SEC24B: variants seen among roughly 807,000 people sequenced by gnomAD.
SEC24B encodes the protein SEC24 homolog B, COPII component, also known as protein transport protein Sec24B.
SEC24B carries 45 observed loss-of-function variants against 142.8 expected under a neutral mutation model. The observed-to-expected ratio is 0.32, with a 90% CI of 0.25 to 0.40. The LOEUF (loss-of-function observed/expected upper bound fraction) is 0.40. SEC24B is among the 10% of genes least tolerant of loss of function. The probability of loss-of-function intolerance (pLI) is 1.00; values close to 1 mark genes in which losing one functional copy is unlikely to be tolerated. For missense variants in SEC24B, 1,409 were observed against 1,526.8 expected, an observed-to-expected ratio of 0.92 and a Z score of 1.29; for synonymous variants, 574 against 568.2, an observed-to-expected ratio of 1.01 and a Z score of -0.15.
intron 3 of SEC24B, among the ~76,000 whole-genome samples, chr4:109,475,065 ATCTT>A (rs1578839378): frequency 1.3e-5 from 2 of 152,234 alleles, no homozygotes; most frequent in African/African-American, 4.8e-5. Flanking sequence ...AGATCTCTCT[ATCTT>A]GTATTCTTTC....
At chr4:109,450,395 C>A (rs575084744) in intron 1 of SEC24B, among the ~76,000 whole-genome samples, 1 of 152,068 alleles carries the variant, frequency 6.6e-6, no homozygotes, top group Non-Finnish European at 1.5e-5. Context: ...CGCGGTGGCT[C>A]ACACCTATAA....
intron 6 of SEC24B, among the ~76,000 whole-genome samples, chr4:109,502,034 G>C (rs1017524844): frequency 6.6e-6 from 1 of 152,214 alleles, no homozygotes; most frequent in Non-Finnish European, 1.5e-5. Flanking sequence ...ATGTGGAGTA[G>C]GTGGTCAGAT....
At chr4:109,498,314 T>A (rs921192435) in intron 6 of SEC24B, among the ~76,000 whole-genome samples, 1 of 152,246 alleles carries the variant, frequency 6.6e-6, no homozygotes, top group African/African-American at 2.4e-5. Flanking sequence ...AAAAAAAGAT[T>A]ATAAATTTTC....
intron 14 of SEC24B, 86 bp downstream of exon 14, chr4:109,521,712 A>T (rs1723633465): frequency 1.9e-6 from 2 of 1,051,942 alleles, no homozygotes; most frequent in South Asian, 3.2e-5. Context: ...TACTGGCAAG[A>T]GAGTTGGGTT....
intron 1 of SEC24B, among the ~76,000 whole-genome samples, chr4:109,440,505 A>G (rs1728837205): frequency 6.6e-6 from 1 of 152,236 alleles, no homozygotes; most frequent in Non-Finnish European, 1.5e-5. Flanking sequence ...CATACTCAGA[A>G]TTGTCCAGAA....
At chr4:109,441,692 G>A (rs554483851) in intron 1 of SEC24B, among the ~76,000 whole-genome samples, 20 of 150,236 alleles carry the variant, frequency 1.3e-4, no homozygotes, top group African/African-American at 4.9e-4. Context: ...GGATTACAGC[G>A]TGAGCCACCA....
At chr4:109,499,559 A>G (rs535058370) in intron 6 of SEC24B, among the ~76,000 whole-genome samples, 3 of 152,330 alleles carry the variant, frequency 2.0e-5, no homozygotes, top group Admixed American at 2.0e-4. Context: ...TGTGCTGCAT[A>G]ATGACATTTT....
intron 1 of SEC24B, among the ~76,000 whole-genome samples, chr4:109,458,537 CTATT>C (rs1730933245): frequency 6.6e-6 from 1 of 152,012 alleles, no homozygotes. Flanking sequence ...ACCTACAGAT[CTATT>C]TATTAGGTGG....
At chr4:109,437,136 T>TCTAA (rs1429131237) in intron 1 of SEC24B, among the ~76,000 whole-genome samples, 4 of 152,100 alleles carry the variant, frequency 2.6e-5, no homozygotes, top group African/African-American at 9.7e-5. Flanking sequence ...GGGATCCGAG[T>TCTAA]CTAACTTCAG....
intron 22 of SEC24B, among the ~76,000 whole-genome samples, chr4:109,534,780 T>C (rs952984635): frequency 1.2e-4 from 18 of 152,302 alleles, no homozygotes; most frequent in African/African-American, 3.4e-4. Context: ...CTATAAAAAG[T>C]TCTCTTACCT....
intron 21 of SEC24B, 80 bp downstream of exon 21, chr4:109,532,823 A>G (rs1223435114): frequency 1.0e-5 from 7 of 679,284 alleles, no homozygotes; most frequent in Non-Finnish European, 1.8e-5. Context: ...TCCAGCTGTT[A>G]TCACAGAGCA....
In SEC24B at chr4:109,534,983, G is replaced by T. The variant is rs116642330; in HGVS notation, c.3588+1298G>T. 4.0e-3 allele frequency among the ~76,000 whole-genome samples: 615 copies of T among 152,206 alleles called. 2 individuals carry two copies. The highest frequency in any genetic ancestry group is 0.014 in the African/African-American group (583 of 41,540). ...GTGAGCCACGGTGCTTGGCCAGTTT[G>T]TTCTTTTTTATGACTGAAAAATAGT... On this transcript the variant is annotated intron_variant, in intron 22 of 23. Coordinates refer to ENST00000265175, the MANE Select transcript of SEC24B (RefSeq NM_006323.5).
rs1425901786 is a variant in SEC24B, at chr4:109,494,712, C to T, written c.1344C>T (p.Val448=). The part of the protein sequence containing the change: ...APAPASAPAP[V]VPQPSKMAKP... ...CTCCAGCTTCAGCTCCAGCTCCTGT[C>T]GTCCCTCAGCCTTCAAAAATGGCTA... Residue 448 remains valine, a synonymous_variant, in exon 6 of 24, where the codon GTC becomes GTT. Transcript: ENST00000265175. 6.2e-6 allele frequency: 10 copies of T among 1,613,918 alleles called. No homozygotes were observed. In the East Asian group the frequency reaches 6.7e-5, roughly 11 times the overall value.
chr4:109,437,886 G>T (rs1485229565), intron 1 of SEC24B, among the ~76,000 whole-genome samples: 2 of 152,198 alleles, frequency 1.3e-5, no homozygotes, highest in African/African-American at 2.4e-5. Context: ...GCCTCCCAGA[G>T]TGCTCGGATT....
chr4:109,536,467 A>G lies in SEC24B; in HGVS notation c.3589-2026A>G, dbSNP rs143241487. Among the ~76,000 whole-genome samples the G allele has an allele frequency of 3.9e-5, 6 of 152,332 alleles. 1 individual carries two copies. Among genetic ancestry groups the G allele is most frequent in the African/African-American group, 1.4e-4 (6 of 41,586 alleles). On this transcript the variant is annotated intron_variant, in intron 22 of 23. Transcript: ENST00000265175. The stretch of plus-strand genomic sequence containing the variant: ...ATCAAAATAACTTTCAAATGGATCA[A>G]ACATTTAAATGTAAAAAAGGAAACC...
intron 9 of SEC24B, among the ~76,000 whole-genome samples, chr4:109,512,471 T>G (rs549255351): frequency 4.6e-5 from 7 of 152,198 alleles, no homozygotes; most frequent in Non-Finnish European, 1.0e-4. Context: ...TCTTGTTCCC[T>G]TTATTCATTT....
chr4:109,452,154 T>G (rs1410038042), intron 1 of SEC24B, among the ~76,000 whole-genome samples: 2 of 152,228 alleles, frequency 1.3e-5, no homozygotes, highest in African/African-American at 4.8e-5. Flanking sequence ...ATCCTTGTTA[T>G]TCTGAATGTC....
intron 6 of SEC24B, among the ~76,000 whole-genome samples, chr4:109,498,807 T>C (rs563473233): frequency 3.9e-5 from 6 of 152,290 alleles, no homozygotes; most frequent in Non-Finnish European, 7.3e-5. Context: ...GGCTTTTCTT[T>C]GTATTGATTA....
chr4:109,463,132 C>T lies in SEC24B; in HGVS notation c.365C>T (p.Pro122Leu). Residue 122 changes from proline to leucine, a missense_variant, in exon 2 of 24, where the codon CCT (proline) becomes CTT (leucine). Coordinates refer to ENST00000265175, the MANE Select transcript of SEC24B (RefSeq NM_006323.5). Reference sequence around the variant, plus strand: ...CAGCAGTTGTACAGCAGGGGTCCTCCTGCCCCTCATATTGTGGGATCCACT... The same window carrying T: ...CAGCAGTTGTACAGCAGGGGTCCTCTTGCCCCTCATATTGTGGGATCCACT... ...GAQQLYSRGP[P>L]APHIVGSTLG... 6.2e-7 allele frequency: 1 copy of T among 1,614,116 alleles called. No individual in the cohort carries two copies. The highest frequency in any genetic ancestry group is 8.5e-7 in the Non-Finnish European group (1 of 1,180,004).
Sources: gnomAD v4.1 joint callset for allele counts (sites outside exome capture counted in the v4.1 genomes callset) on GRCh38, gnomAD v4.1.1 for gene constraint, MANE v1.5 for transcripts, NCBI Gene and HGNC (gene_info 2026-07-23, HGNC 2026-07-21) for gene names.